The following LRRTM4 variants were observed in gnomAD, a reference collection of about 807,000 sequenced individuals.
LRRTM4 encodes leucine rich repeat transmembrane neuronal 4.
A neutral mutation model predicts 47.6 loss-of-function variants in LRRTM4; 25 were observed. That is an observed-to-expected ratio of 0.53 (90% CI 0.38 to 0.73). LRRTM4 has a LOEUF of 0.73. Ranked by LOEUF, LRRTM4 falls within the 30% of genes least tolerant of loss-of-function variation. The pLI is 0.00. For synonymous variants in LRRTM4, 311 were observed against 269.5 expected (o/e 1.15, Z -1.51); for missense variants, 638 against 713.4 (o/e 0.89, Z 1.20).
chr2:76,978,723 A>G (rs938450863), intron 3 of LRRTM4, among the ~76,000 whole-genome samples: 3 of 152,052 alleles, frequency 2.0e-5, no homozygotes, highest in Non-Finnish European at 4.4e-5. Context: ...GCCGCTGAAC[A>G]TATTCTCAAG....
chr2:77,158,354 G>GT (rs1473560904), intron 3 of LRRTM4, among the ~76,000 whole-genome samples: 1 of 152,106 alleles, frequency 6.6e-6, no homozygotes, highest in Non-Finnish European at 1.5e-5. Flanking sequence ...TTTTACATAT[G>GT]TGGTTAAAAA....
chr2:76,899,708 C>G (rs149215834), intron 3 of LRRTM4, among the ~76,000 whole-genome samples: 2 of 152,078 alleles, frequency 1.3e-5, no homozygotes, highest in East Asian at 3.9e-4. Context: ...GACTTTATTA[C>G]GTATGCATTT....
chr2:76,787,730 C>T (rs1326054431), intron 3 of LRRTM4, among the ~76,000 whole-genome samples: 1 of 152,090 alleles, frequency 6.6e-6, no homozygotes, highest in East Asian at 1.9e-4. Context: ...TGTTTTGCAA[C>T]TATGAAAAGA....
At chr2:77,317,249 G>T (rs190910734) in intron 3 of LRRTM4, among the ~76,000 whole-genome samples, 1 of 152,070 alleles carries the variant, frequency 6.6e-6, no homozygotes, top group African/African-American at 2.4e-5. Flanking sequence ...TATCATATTT[G>T]CAGTTTTTTG....
intron 3 of LRRTM4, among the ~76,000 whole-genome samples, chr2:77,140,470 T>C (rs10428391): frequency 1.3e-5 from 2 of 152,104 alleles, no homozygotes; most frequent in Non-Finnish European, 2.9e-5. Context: ...ATACAAAAAT[T>C]AATTCAAGAT....
At chr2:76,999,343 ACTGGTACACAGTAATGATGG>A (rs1376915863) in intron 3 of LRRTM4, among the ~76,000 whole-genome samples, 1 of 151,952 alleles carries the variant, frequency 6.6e-6, no homozygotes, top group Non-Finnish European at 1.5e-5. Context: ...TACTTGAGCA[ACTGGTACACAGTAATGATGG>A]CTGTGACTTA....
chr2:77,234,049 C>G (rs1675040135), intron 3 of LRRTM4, among the ~76,000 whole-genome samples: 1 of 152,110 alleles, frequency 6.6e-6, no homozygotes, highest in South Asian at 2.1e-4. Flanking sequence ...TCCCAAAATA[C>G]TGGGATTACA....
chr2:77,363,464 C>T (rs964995463), intron 3 of LRRTM4, among the ~76,000 whole-genome samples: 18 of 152,172 alleles, frequency 1.2e-4, no homozygotes, highest in African/African-American at 4.3e-4. Flanking sequence ...TGGAAACTAA[C>T]AAAGCCAAGT....
intron 3 of LRRTM4, among the ~76,000 whole-genome samples, chr2:77,184,974 CT>C (rs137973737): frequency 0.029 from 4,469 of 152,190 alleles, 90 homozygotes; most frequent in African/African-American, 0.065. Flanking sequence ...TAAAGAAACT[CT>C]TTGTTGAGGT....
chr2:76,834,579 C>A (rs1671454934), intron 3 of LRRTM4, among the ~76,000 whole-genome samples: 1 of 151,902 alleles, frequency 6.6e-6, no homozygotes, highest in Admixed American at 6.6e-5. Flanking sequence ...ATCATATTTT[C>A]AATGTCATTT....
At chr2:77,126,685 T>G in intron 3 of LRRTM4, among the ~76,000 whole-genome samples, 1 of 152,168 alleles carries the variant, frequency 6.6e-6, no homozygotes, top group South Asian at 2.1e-4. Flanking sequence ...TCTTGTCAGG[T>G]CATTCCTGGA....
At chr2:77,470,916 T>G (rs1677164219) in intron 3 of LRRTM4, among the ~76,000 whole-genome samples, 1 of 152,126 alleles carries the variant, frequency 6.6e-6, no homozygotes, top group Non-Finnish European at 1.5e-5. Context: ...ACAAGTCATC[T>G]AGTAATTTAA....
At chr2:76,970,478 T>C (rs1250260276) in intron 3 of LRRTM4, among the ~76,000 whole-genome samples, 1 of 151,982 alleles carries the variant, frequency 6.6e-6, no homozygotes, top group African/African-American at 2.4e-5. Context: ...AGCATGCTAT[T>C]GAATAAGTTA....
intron 3 of LRRTM4, among the ~76,000 whole-genome samples, chr2:76,788,740 G>C (rs1674815629): frequency 6.6e-6 from 1 of 152,154 alleles, no homozygotes; most frequent in Non-Finnish European, 1.5e-5. Context: ...TGTGATTTCA[G>C]AAAGAAGACC....
chr2:77,173,119 G>C (rs541257941), intron 3 of LRRTM4, among the ~76,000 whole-genome samples: 1 of 152,144 alleles, frequency 6.6e-6, no homozygotes, highest in Non-Finnish European at 1.5e-5. Context: ...ATTAATATGA[G>C]TGAAAAGTTT....
At chr2:76,966,369 T>G (rs1291629671) in intron 3 of LRRTM4, among the ~76,000 whole-genome samples, 1 of 150,942 alleles carries the variant, frequency 6.6e-6, no homozygotes, top group African/African-American at 2.4e-5. Flanking sequence ...AAGAAGGGGG[T>G]TAGGAGTAAT....
intron 3 of LRRTM4, among the ~76,000 whole-genome samples, chr2:76,750,383 G>C (rs1414587626): frequency 2.6e-5 from 4 of 152,128 alleles, no homozygotes; most frequent in African/African-American, 9.7e-5. Flanking sequence ...AAGTTGTAGG[G>C]GTGGTAGCTA....
At chr2:77,335,635 GT>G (rs1412127038) in intron 3 of LRRTM4, among the ~76,000 whole-genome samples, 7 of 152,002 alleles carry the variant, frequency 4.6e-5, no homozygotes, top group African/African-American at 1.7e-4. Flanking sequence ...TATTTTATTT[GT>G]TACTTCTAAA....
chr2:76,892,443 G>T (rs1168354749), intron 3 of LRRTM4, among the ~76,000 whole-genome samples: 1 of 151,626 alleles, frequency 6.6e-6, no homozygotes, highest in Non-Finnish European at 1.5e-5. Context: ...TGCTTTCCAT[G>T]TATTTATAGC....
Sources: gnomAD v4.1 joint callset for allele counts (sites outside exome capture counted in the v4.1 genomes callset) on GRCh38, gnomAD v4.1.1 for gene constraint, MANE v1.5 for transcripts, NCBI Gene and HGNC (gene_info 2026-07-23, HGNC 2026-07-21) for gene names.